PLXNA2: variants seen among roughly 807,000 people sequenced by gnomAD.
PLXNA2 encodes the protein plexin A2.
PLXNA2 carries 91 observed loss-of-function variants against 193.5 expected under a neutral mutation model. That is an observed-to-expected ratio of 0.47 (90% CI 0.40 to 0.56). PLXNA2 has a LOEUF of 0.56. Among genes scored for constraint, PLXNA2 ranks in the 20% least tolerant of loss-of-function variants. The probability of loss-of-function intolerance (pLI) is 0.00; values close to 1 mark genes in which losing one functional copy is unlikely to be tolerated. For synonymous variants in PLXNA2, 997 were observed against 1,027.3 expected (o/e 0.97, Z 0.56); for missense variants, 1,995 against 2,503.2 (o/e 0.80, Z 4.33).
chr1:208,115,814 G>A (rs544174365), intron 4 of PLXNA2, among the ~76,000 whole-genome samples: 1 of 152,252 alleles, frequency 6.6e-6, no homozygotes, highest in South Asian at 2.1e-4. Context: ...CAAAAGGGAA[G>A]TACAAATCAG....
intron 4 of PLXNA2, among the ~76,000 whole-genome samples, chr1:208,129,477 G>A (rs747670557): frequency 3.3e-5 from 5 of 152,352 alleles, no homozygotes; most frequent in Admixed American, 2.0e-4. Flanking sequence ...CCTGCATGCT[G>A]CAGAAATTCT....
At chr1:208,115,499 G>A (rs182862203) in intron 4 of PLXNA2, among the ~76,000 whole-genome samples, 61 of 152,232 alleles carry the variant, frequency 4.0e-4, no homozygotes, top group Middle Eastern at 6.8e-3. Flanking sequence ...GCTGGGACTC[G>A]CACTCAGGCA....
intron 3 of PLXNA2, among the ~76,000 whole-genome samples, chr1:208,197,046 C>G (rs1670384202): frequency 6.6e-6 from 1 of 152,174 alleles, no homozygotes; most frequent in South Asian, 2.1e-4. Flanking sequence ...GACAAGAACT[C>G]TCAACTCTGA....
chr1:208,141,758 C>T (rs1044329648), intron 4 of PLXNA2, among the ~76,000 whole-genome samples: 10 of 152,196 alleles, frequency 6.6e-5, no homozygotes, highest in African/African-American at 2.4e-4. Context: ...CTCCATCCAT[C>T]CCAGAGGGTG....
At chr1:208,033,034 C>CTTTT (rs756299412) in intron 28 of PLXNA2, among the ~76,000 whole-genome samples, 2 of 146,700 alleles carry the variant, frequency 1.4e-5, no homozygotes, top group Admixed American at 6.8e-5. Context: ...CTCTCTCTCT[C>CTTTT]TTTTTTTTTT....
At position 208,168,727 on chromosome 1, in the gene PLXNA2, T is replaced by TTTTTTTTTTG. The variant is rs1669392291; in HGVS notation, c.1372-26265_1372-26264insCAAAAAAAAA. On this transcript the variant is annotated intron_variant, in intron 3 of 31. Transcript: ENST00000367033. ...AAGAAGACAAAGAGTATGCGGGGTT[T>TTTTTTTTTTG]TTTTTTTTTTTTTTTTTTTTTTTTA... Among the ~76,000 whole-genome samples the TTTTTTTTTTG allele has an allele frequency of 4.1e-5, 5 of 122,560 alleles. 1 individual carries two copies. Among genetic ancestry groups the TTTTTTTTTTG allele is most frequent in the Non-Finnish European group, 5.0e-5 (3 of 59,678 alleles). 80.4% of individuals were successfully genotyped at this position (122,560 alleles called of 152,430 possible). A position where few individuals can be genotyped will look rare whatever the true frequency, so the allele number is the denominator to read the frequency against.
At chr1:208,135,052 G>C (rs1441438212) in intron 4 of PLXNA2, among the ~76,000 whole-genome samples, 1 of 152,088 alleles carries the variant, frequency 6.6e-6, no homozygotes, top group Non-Finnish European at 1.5e-5. Context: ...TTAGTTTTCT[G>C]GTGCAGCTGC....
chr1:208,063,631 G>C (rs1665686748), intron 12 of PLXNA2, among the ~76,000 whole-genome samples: 1 of 152,006 alleles, frequency 6.6e-6, no homozygotes, highest in Non-Finnish European at 1.5e-5. Flanking sequence ...GTCTTTATGG[G>C]GGTCTTCTTT....
intron 13 of PLXNA2, 75 bp from the exon 14 acceptor site, chr1:208,054,613 T>TTTGCCATGACTGGGA: frequency 3.0e-6 from 3 of 1,002,998 alleles, no homozygotes; most frequent in Non-Finnish European, 4.7e-6. Flanking sequence ...CTCCCAGTCA[T>TTTGCCATGACTGGGA]GGCAAATGAC....
rs1461414691 is a variant in PLXNA2, at chr1:208,025,067, A to C, written c.*2176T>G. The C allele has an allele frequency of 1.3e-5, 2 of 152,648 alleles. No individual in the cohort carries two copies. The highest frequency in any genetic ancestry group is 2.9e-5 in the Non-Finnish European group (2 of 68,018). 9.5% of individuals were successfully genotyped at this position (152,648 alleles called of 1,614,324 possible). ...AATAGGGCCTGAGAAACTTTAAAGA[A>C]GTGGATTTTCAAAAGAAAGTGGCCT... On this transcript the variant is annotated 3_prime_UTR_variant, in exon 32 of 32. Transcript: ENST00000367033.
At chr1:208,224,285 A>G (rs1373206605) in intron 1 of PLXNA2, among the ~76,000 whole-genome samples, 1 of 142,114 alleles carries the variant, frequency 7.0e-6, no homozygotes, top group Non-Finnish European at 1.5e-5. Context: ...TGTCACTCTG[A>G]TGGCGTCTAT....
At chr1:208,167,525 G>A (rs762663919) in intron 3 of PLXNA2, among the ~76,000 whole-genome samples, 8 of 152,122 alleles carry the variant, frequency 5.3e-5, no homozygotes, top group Non-Finnish European at 1.2e-4. Flanking sequence ...GGCCCATAGA[G>A]GTAGGAGGCA....
intron 3 of PLXNA2, among the ~76,000 whole-genome samples, chr1:208,152,487 A>C (rs938283000): frequency 6.6e-6 from 1 of 152,218 alleles, no homozygotes; most frequent in Non-Finnish European, 1.5e-5. Flanking sequence ...ACACTGCCAG[A>C]TTAATCTTCT....
intron 9 of PLXNA2, among the ~76,000 whole-genome samples, chr1:208,085,022 CT>C (rs1263614411): frequency 1.3e-5 from 2 of 151,892 alleles, no homozygotes; most frequent in Non-Finnish European, 2.9e-5. Flanking sequence ...CCAGCCCCGA[CT>C]GAGCTAGGCT....
chr1:208,034,526 C>T lies in PLXNA2; in HGVS notation c.4831G>A (p.Ala1611Thr), dbSNP rs1664611496. The change falls in exon 27 of 32, where the codon GCC becomes ACC. Residue 1611 changes from alanine to threonine, a missense_variant. By Grantham distance (58) the Ala-to-Thr change is moderately conservative. This residue lies in a region of PLXNA2 where 1,291 missense variants were observed against 1,673.6 expected (regional missense o/e 0.77). Transcript: ENST00000367033. ...CTGATGGACGTCCGGGAGATGCTGG[C>T]AGAGGCAGGGATGTTGTAGGAGGAG... is the stretch of plus-strand genomic sequence containing the variant. ...QTSSYNIPAS[A>T]SISRTSISRY... 1 of 1,613,930 alleles carries T rather than the reference C, an allele frequency of 6.2e-7. No homozygotes were observed. Among genetic ancestry groups the T allele is most frequent in the Non-Finnish European group, 8.5e-7 (1 of 1,179,852 alleles).
intron 3 of PLXNA2, among the ~76,000 whole-genome samples, chr1:208,162,347 G>C (rs1158394680): frequency 6.6e-6 from 1 of 152,252 alleles, no homozygotes; most frequent in Non-Finnish European, 1.5e-5. Flanking sequence ...GGAGAGATGT[G>C]AGCTAGACCT....
chr1:208,217,725 G>A lies in PLXNA2; in HGVS notation c.198C>T (p.Ala66=), dbSNP rs35598508. ...CTGTCAGCTTATAGACCCGGTTGAT[G>A]GCCCCCACATAGACGGCCCCCGTCC... ...HQGTGAVYVG[A]INRVYKLTGN... The change falls in exon 2 of 32, where the codon GCC becomes GCT. Residue 66 remains alanine, a synonymous_variant. Transcript: ENST00000367033. This position sits in a 1 kb window ranked among gnomAD's most constrained non-coding sequence, Gnocchi z 4.7. The A allele has an allele frequency of 2.9e-4, 464 of 1,614,046 alleles. No homozygotes were observed. Among genetic ancestry groups the A allele is most frequent in the Non-Finnish European group, 3.4e-4 (407 of 1,180,040 alleles).
At chr1:208,189,044 T>A (rs527656706) in intron 3 of PLXNA2, among the ~76,000 whole-genome samples, 1 of 152,260 alleles carries the variant, frequency 6.6e-6, no homozygotes, top group South Asian at 2.1e-4. Flanking sequence ...TCTCTAACCA[T>A]TCCAAAACAT....
At chr1:208,062,223 G>A (rs1316831274) in intron 12 of PLXNA2, among the ~76,000 whole-genome samples, 2 of 152,140 alleles carry the variant, frequency 1.3e-5, no homozygotes. Flanking sequence ...CCGATGGGGT[G>A]GGAGGGTCAG....
Sources: allele counts gnomAD v4.1 joint callset (sites outside exome capture counted in the v4.1 genomes callset), GRCh38; gene constraint gnomAD v4.1.1; regional missense constraint gnomAD v4.1.1; non-coding constraint Gnocchi (gnomAD v3.1); transcripts MANE v1.5; gene names NCBI Gene and HGNC (gene_info 2026-07-23, HGNC 2026-07-21).